The following HDAC9 variants were observed in gnomAD, a reference collection of about 807,000 sequenced individuals.
HDAC9 encodes the protein MEF-2 interacting transcription repressor (MITR) protein.
In HDAC9, 41 loss-of-function variants were observed where a neutral mutation model predicts 139.4. The ratio of observed to expected loss-of-function variants is 0.29; its 90% CI spans 0.23 to 0.38. HDAC9 has a LOEUF of 0.38. Ranked by LOEUF, HDAC9 falls within the 10% of genes least tolerant of loss-of-function variation. The pLI, the probability that HDAC9 is intolerant of heterozygous loss-of-function variation, is 1.00. For missense variants in HDAC9, 1,147 were observed against 1,297.0 expected, an observed-to-expected ratio of 0.88 and a Z score of 1.78; for synonymous variants, 517 against 476.2, an observed-to-expected ratio of 1.09 and a Z score of -1.12.
chr7:18,445,614 C>A (rs1758287050), intron 1 of HDAC9, among the ~76,000 whole-genome samples: 1 of 152,126 alleles, frequency 6.6e-6, no homozygotes, highest in Admixed American at 6.5e-5. Flanking sequence ...AAGTTAAACC[C>A]AGTACTGTTT....
At chr7:18,950,703 A>G (rs1782731575) in intron 23 of HDAC9, among the ~76,000 whole-genome samples, 1 of 151,962 alleles carries the variant, frequency 6.6e-6, no homozygotes, top group African/African-American at 2.4e-5. Context: ...AGGGGAAGAA[A>G]TTTGCTCTAG....
chr7:18,675,550 G>A (rs1262607918), intron 12 of HDAC9, among the ~76,000 whole-genome samples: 1 of 151,992 alleles, frequency 6.6e-6, no homozygotes, highest in Non-Finnish European at 1.5e-5. Flanking sequence ...TGGAACTTTA[G>A]TAACTTTGTT....
At chr7:18,173,176 TG>T (rs1788586834) in intron 2 of HDAC9, among the ~76,000 whole-genome samples, 1 of 152,232 alleles carries the variant, frequency 6.6e-6, no homozygotes, top group African/African-American at 2.4e-5. Flanking sequence ...TAGCTCTTCT[TG>T]TTGAATTGAT....
chr7:18,899,871 A>C (rs1161510304), intron 22 of HDAC9, among the ~76,000 whole-genome samples: 1 of 152,128 alleles, frequency 6.6e-6, no homozygotes, highest in African/African-American at 2.4e-5. Context: ...CAGTGTGGAA[A>C]TACTATCAGA....
chr7:18,591,758 A>G, intron 5 of HDAC9, 116 bp downstream of exon 5: 1 of 1,307,374 alleles, frequency 7.6e-7, no homozygotes, highest in Non-Finnish European at 1.1e-6. Flanking sequence ...GCTGTGGGCA[A>G]GTTCCTTCAG....
chr7:18,369,813 G>A (rs1399973066), intron 1 of HDAC9, among the ~76,000 whole-genome samples: 1 of 152,044 alleles, frequency 6.6e-6, no homozygotes, highest in East Asian at 1.9e-4. Flanking sequence ...GTCTGTCCCT[G>A]CCATCATCTC....
chr7:18,582,765 T>C (rs1464831613), intron 2 of HDAC9, among the ~76,000 whole-genome samples: 1 of 152,222 alleles, frequency 6.6e-6, no homozygotes, highest in Non-Finnish European at 1.5e-5. Context: ...GATATAATCC[T>C]AGAGTTGGCA....
chr7:18,776,785 T>A (rs190377594), intron 16 of HDAC9, among the ~76,000 whole-genome samples: 2 of 151,910 alleles, frequency 1.3e-5, no homozygotes, highest in Admixed American at 1.3e-4. Context: ...CAGAGAATAA[T>A]AAGATCCATA....
At chr7:18,987,272 C>G (rs572473515) in intron 25 of HDAC9, among the ~76,000 whole-genome samples, 1 of 152,288 alleles carries the variant, frequency 6.6e-6, no homozygotes, top group African/African-American at 2.4e-5. Flanking sequence ...GAGTTTTTAG[C>G]ATGAAGGTTG....
At chr7:18,755,258 GT>G (rs766426371) in intron 14 of HDAC9, among the ~76,000 whole-genome samples, 5 of 152,060 alleles carry the variant, frequency 3.3e-5, no homozygotes, top group Non-Finnish European at 7.4e-5. Context: ...AAAACTAATT[GT>G]ACACCTTATA....
At chr7:18,755,312 G>C (rs1437771216) in intron 14 of HDAC9, among the ~76,000 whole-genome samples, 1 of 152,132 alleles carries the variant, frequency 6.6e-6, no homozygotes, top group Non-Finnish European at 1.5e-5. Flanking sequence ...CTGCTAAACA[G>C]AAAGAATTAA....
At chr7:18,880,841 GC>G (rs1219289215) in intron 22 of HDAC9, among the ~76,000 whole-genome samples, 8 of 35,594 alleles carry the variant, frequency 2.2e-4, no homozygotes, top group African/African-American at 4.0e-4. Context: ...GTTAATAGTT[GC>G]CGGGGGGGGG....
rs75701146 is a variant in HDAC9, at chr7:18,760,219, C to A, written c.2044-1938C>A. Among the ~76,000 whole-genome samples, 752 of 152,282 alleles carry A rather than the reference C, an allele frequency of 4.9e-3. 5 individuals carry two copies. The highest frequency in any genetic ancestry group is 8.1e-3 in the Non-Finnish European group (552 of 68,038). ...TCTGTTTTCCAATGCCCTGCTCAGT[C>A]CAATTTTAGATGACTCAAACCATGG... is the stretch of plus-strand genomic sequence containing the variant. On this transcript the variant is annotated intron_variant, in intron 14 of 25. Transcript: ENST00000686413.
At chr7:18,656,720 T>A (rs1029805126) in intron 11 of HDAC9, among the ~76,000 whole-genome samples, 2 of 152,160 alleles carry the variant, frequency 1.3e-5, no homozygotes, top group African/African-American at 4.8e-5. Context: ...AAATCTTAGC[T>A]ATTGTGGACA....
chr7:18,540,410 A>G (rs1162325244), intron 2 of HDAC9, among the ~76,000 whole-genome samples: 1 of 152,176 alleles, frequency 6.6e-6, no homozygotes, highest in Non-Finnish European at 1.5e-5. Flanking sequence ...TCCTTTAACA[A>G]ATATTCATTG....
At chr7:18,988,986 C>T (rs1585497451) in intron 25 of HDAC9, among the ~76,000 whole-genome samples, 1 of 90,238 alleles carries the variant, frequency 1.1e-5, no homozygotes, top group African/African-American at 4.0e-5. Flanking sequence ...TTCCTGAATA[C>T]GGCACACTGA....
At chr7:18,232,966 C>G (rs561041348) in intron 2 of HDAC9, among the ~76,000 whole-genome samples, 5 of 152,264 alleles carry the variant, frequency 3.3e-5, no homozygotes, top group Admixed American at 3.3e-4. Flanking sequence ...GTGCTGTACT[C>G]TTCTCTCAGA....
intron 2 of HDAC9, among the ~76,000 whole-genome samples, chr7:18,168,509 A>T (rs1037920391): frequency 6.6e-6 from 1 of 151,920 alleles, no homozygotes; most frequent in African/African-American, 2.4e-5. Flanking sequence ...TTTATGGAGG[A>T]TTTTTTTGTC....
At chr7:18,334,293 T>C (rs1781425789) in intron 1 of HDAC9, among the ~76,000 whole-genome samples, 1 of 151,462 alleles carries the variant, frequency 6.6e-6, no homozygotes, top group African/African-American at 2.4e-5. Flanking sequence ...AAATTAAATT[T>C]AGCAATATTT....
Sources: allele counts gnomAD v4.1 joint callset (sites outside exome capture counted in the v4.1 genomes callset), GRCh38; gene constraint gnomAD v4.1.1; transcripts MANE v1.5; gene names NCBI Gene and HGNC (gene_info 2026-07-23, HGNC 2026-07-21).